C16orf74: variants seen among roughly 807,000 people sequenced by gnomAD.
C16orf74 encodes calcimembrin, also known as uncharacterized protein C16orf74.
Under a neutral mutation model 6.5 loss-of-function variants are expected in C16orf74, and 10 were observed. That is an observed-to-expected ratio of 1.54 (90% CI 0.95 to 2.61). C16orf74 has a LOEUF of 2.61. Ranked by LOEUF, C16orf74 falls within the 30% of genes most tolerant of loss-of-function variation. The pLI, the probability that C16orf74 is intolerant of heterozygous loss-of-function variation, is 0.00. For synonymous variants in C16orf74, 60 were observed against 42.5 expected, an observed-to-expected ratio of 1.41 and a Z score of -1.60; for missense variants, 141 against 105.9, an observed-to-expected ratio of 1.33 and a Z score of -1.45.
chr16:85,723,833 G>C (rs1203397550), intron 2 of C16orf74, among the ~76,000 whole-genome samples: 4 of 152,170 alleles, frequency 2.6e-5, no homozygotes. Flanking sequence ...GACAAAAACA[G>C]GGCACAAGAG....
At chr16:85,719,657 G>A (rs983292310) in intron 2 of C16orf74, among the ~76,000 whole-genome samples, 1 of 152,158 alleles carries the variant, frequency 6.6e-6, no homozygotes, top group African/African-American at 2.4e-5. Flanking sequence ...CCCACTCACA[G>A]TACCAAGAAG....
chr16:85,739,738 G>T (rs373467632), intron 1 of C16orf74, among the ~76,000 whole-genome samples: 7 of 152,228 alleles, frequency 4.6e-5, no homozygotes, highest in African/African-American at 1.4e-4. Context: ...TGAAGTGGAG[G>T]CTACAGTGAG....
At chr16:85,748,770 T>C (rs1384107804) in intron 1 of C16orf74, among the ~76,000 whole-genome samples, 1 of 152,114 alleles carries the variant, frequency 6.6e-6, no homozygotes, top group East Asian at 1.9e-4. Context: ...CTGATGTTAA[T>C]GCTGGTCTGC....
chr16:85,744,237 A>AG (rs1555588935), intron 1 of C16orf74: 1 of 150,398 alleles, frequency 6.6e-6, no homozygotes, highest in African/African-American at 2.4e-5. Context: ...AAAAAAAAAA[A>AG]AAAAAAAAAA....
intron 2 of C16orf74, among the ~76,000 whole-genome samples, chr16:85,731,928 A>T (rs1489915159): frequency 6.6e-6 from 1 of 152,162 alleles, no homozygotes; most frequent in Non-Finnish European, 1.5e-5. Flanking sequence ...TGGGCTCAAG[A>T]GATCCTCCTG....
chr16:85,714,397 ATTTATTATTTAT>A lies in C16orf74; in HGVS notation c.29-4102_29-4091del, dbSNP rs755415560. ...AGACCTATTATTTATTTATTTATTTATTTATTATTTATTTATTTATTTATTTATTTATTTATT... is the reference window on the plus strand; with the variant it reads ...AGACCTATTATTTATTTATTTATTTATTATTTATTTATTTATTTATTTATT... On this transcript the variant is annotated intron_variant, in intron 2 of 3. Coordinates refer to ENST00000284245, the MANE Select transcript of C16orf74 (RefSeq NM_206967.3). Among the ~76,000 whole-genome samples the A allele has an allele frequency of 5.9e-3, 320 of 53,938 alleles. 1 individual carries two copies. Among genetic ancestry groups the A allele is most frequent in the East Asian group, 0.047 (41 of 880 alleles). 35.4% of individuals were successfully genotyped at this position (53,938 alleles called of 152,430 possible). A position where few individuals can be genotyped will look rare whatever the true frequency, so the allele number is the denominator to read the frequency against.
At chr16:85,747,175 C>T (rs2054383768) in intron 1 of C16orf74, among the ~76,000 whole-genome samples, 1 of 152,336 alleles carries the variant, frequency 6.6e-6, no homozygotes, top group Non-Finnish European at 1.5e-5. Context: ...TAGAGCTGAA[C>T]ACCTTTAGGA....
At chr16:85,721,952 C>T (rs1348951703) in intron 2 of C16orf74, among the ~76,000 whole-genome samples, 1 of 148,890 alleles carries the variant, frequency 6.7e-6, no homozygotes, top group Non-Finnish European at 1.5e-5. Context: ...CACAGTTAGC[C>T]TTCTCATTGG....
intron 2 of C16orf74, among the ~76,000 whole-genome samples, chr16:85,724,800 T>C (rs2054117112): frequency 6.6e-6 from 1 of 152,202 alleles, no homozygotes; most frequent in Non-Finnish European, 1.5e-5. Context: ...GCGTGGTCTG[T>C]GTGTGCCAAG....
At chr16:85,746,666 A>T (rs1347490580) in intron 1 of C16orf74, among the ~76,000 whole-genome samples, 1 of 152,092 alleles carries the variant, frequency 6.6e-6, no homozygotes, top group African/African-American at 2.4e-5. Flanking sequence ...GAAGAATGTG[A>T]CTGTTTGCCA....
intron 1 of C16orf74, among the ~76,000 whole-genome samples, chr16:85,739,625 C>G (rs1456006003): frequency 6.6e-6 from 1 of 151,884 alleles, no homozygotes; most frequent in African/African-American, 2.4e-5. Context: ...ATGGCGAAAC[C>G]CCATCTCTAC....
chr16:85,715,917 A>C (rs1171219306), intron 2 of C16orf74, among the ~76,000 whole-genome samples: 1 of 152,190 alleles, frequency 6.6e-6, no homozygotes, highest in Non-Finnish European at 1.5e-5. Context: ...GAATTCACGA[A>C]AGCACTTCGC....
At chr16:85,726,255 C>T (rs1292487068) in intron 2 of C16orf74, among the ~76,000 whole-genome samples, 1 of 152,214 alleles carries the variant, frequency 6.6e-6, no homozygotes, top group Non-Finnish European at 1.5e-5. Flanking sequence ...CCCCCATGGA[C>T]AGGAGCTCTG....
intron 1 of C16orf74, among the ~76,000 whole-genome samples, chr16:85,738,822 G>A (rs1362370678): frequency 6.6e-6 from 1 of 152,120 alleles, no homozygotes; most frequent in Non-Finnish European, 1.5e-5. Context: ...AGCCCTTTAT[G>A]TGTATTCATG....
At chr16:85,748,142 G>A (rs1567815501) in intron 1 of C16orf74, among the ~76,000 whole-genome samples, 38 of 71,770 alleles carry the variant, frequency 5.3e-4, no homozygotes, top group Non-Finnish European at 4.8e-4. Context: ...ATATATATGT[G>A]TGTGTATATA....
chr16:85,726,559 A>G (rs1309959487), intron 2 of C16orf74, among the ~76,000 whole-genome samples: 1 of 152,126 alleles, frequency 6.6e-6, no homozygotes, highest in African/African-American at 2.4e-5. Context: ...CATTTTACAG[A>G]CAGGGACAGG....
At chr16:85,711,555 G>A (rs916591690) in intron 2 of C16orf74, among the ~76,000 whole-genome samples, 41 of 151,190 alleles carry the variant, frequency 2.7e-4, no homozygotes, top group African/African-American at 8.7e-4. Flanking sequence ...TCCGGGAGGC[G>A]GAGGTTGCAG....
At chr16:85,742,381 TAA>T (rs1422781475) in intron 1 of C16orf74, among the ~76,000 whole-genome samples, 2 of 151,214 alleles carry the variant, frequency 1.3e-5, no homozygotes, top group South Asian at 2.1e-4. Context: ...TCAGAAAAAA[TAA>T]AAGAGCCTGG....
At chr16:85,745,862 G>T (rs190448163) in intron 1 of C16orf74, among the ~76,000 whole-genome samples, 1 of 152,178 alleles carries the variant, frequency 6.6e-6, no homozygotes, top group African/African-American at 2.4e-5. Context: ...AACGTTTGCC[G>T]ATTCCCTTCA....
Sources: allele counts gnomAD v4.1 joint callset (sites outside exome capture counted in the v4.1 genomes callset), GRCh38; gene constraint gnomAD v4.1.1; transcripts MANE v1.5; gene names NCBI Gene and HGNC (gene_info 2026-07-23, HGNC 2026-07-21).